VPS53: variants seen among roughly 807,000 people sequenced by gnomAD.
VPS53 encodes VPS53 subunit of GARP complex, also known as vacuolar protein sorting-associated protein 53 homolog.
In VPS53, 70 loss-of-function variants were observed where a neutral mutation model predicts 107.0. That is an observed-to-expected ratio of 0.65 (90% CI 0.54 to 0.80). The LOEUF (loss-of-function observed/expected upper bound fraction) is 0.80, where lower values mean the gene tolerates loss of function less well. Ranked by LOEUF, VPS53 falls within the 30% of genes least tolerant of loss-of-function variation. The probability of loss-of-function intolerance (pLI) is 0.00; values close to 1 mark genes in which losing one functional copy is unlikely to be tolerated. For synonymous variants in VPS53, 409 were observed against 393.3 expected, an observed-to-expected ratio of 1.04 and a Z score of -0.47; for missense variants, 917 against 1,049.4, an observed-to-expected ratio of 0.87 and a Z score of 1.74.
In VPS53 at chr17:551,992, C is replaced by T. The variant is rs2304949; in HGVS notation, c.1788-42G>A. 33,847 of 1,518,820 alleles carry T rather than the reference C, an allele frequency of 0.022. 542 individuals are homozygous for T. Among genetic ancestry groups the T allele is most frequent in the East Asian group, 0.081 (3,311 of 41,082 alleles). The allele number at this position is 1,518,820 out of a possible 1,614,324, so 94.1% of individuals were successfully genotyped here. ...TCACTGTGGTCACCCTTTCAAACAA[C>T]GGCCGTCTGAATGACTGACACTCAG... is the stretch of plus-strand genomic sequence containing the variant. On this transcript the variant is annotated intron_variant, in intron 16 of 21. Coordinates refer to ENST00000437048, the MANE Select transcript of VPS53 (RefSeq NM_001128159.3).
chr17:592,147 C>T (rs557784276), intron 12 of VPS53, among the ~76,000 whole-genome samples: 1 of 152,274 alleles, frequency 6.6e-6, no homozygotes, highest in South Asian at 2.1e-4. Flanking sequence ...TAAGTAATGG[C>T]CTTCTTTGTC....
rs975131273 is a variant in VPS53 at position 631,780 on chromosome 17, T to C, written c.609-152A>G. On this transcript the variant is annotated intron_variant, in intron 7 of 21. Coordinates refer to ENST00000437048, the MANE Select transcript of VPS53 (RefSeq NM_001128159.3). The stretch of plus-strand genomic sequence containing the variant: ...GGTGAGAGGTCACATACTAGTTAAG[T>C]GACAGGTTGATGAGCAGGACCCAGG... 4.8e-6 allele frequency: 3 copies of C among 625,000 alleles called. No individual in the cohort carries two copies. The Admixed American group carries it at 8.2e-5, about 17-fold the overall frequency. The allele number at this position is 625,000 out of a possible 1,614,324, so 38.7% of individuals were successfully genotyped here.
chr17:586,172 A>T, intron 13 of VPS53, 98 bp downstream of exon 13: 3 of 1,094,776 alleles, frequency 2.7e-6, no homozygotes, highest in Non-Finnish European at 2.8e-6. Flanking sequence ...TGCCACAACC[A>T]TCTTTCAGCC....
intron 11 of VPS53, among the ~76,000 whole-genome samples, chr17:617,803 C>T (rs1203870306): frequency 7.6e-6 from 1 of 131,594 alleles, no homozygotes; most frequent in Non-Finnish European, 1.6e-5. Flanking sequence ...AGGCGTGCGC[C>T]ACCACGCCCC....
chr17:697,197 A>G (rs1473830549), intron 4 of VPS53, among the ~76,000 whole-genome samples: 1 of 152,196 alleles, frequency 6.6e-6, no homozygotes, highest in Non-Finnish European at 1.5e-5. Flanking sequence ...CAGTGTTCTC[A>G]TCTGGCCTCG....
At position 653,378 on chromosome 17, in the gene VPS53, A is replaced by G. The variant is rs750147865; in HGVS notation, c.521T>C (p.Val174Ala). 1 of 1,614,270 alleles carries G rather than the reference A, an allele frequency of 6.2e-7. No homozygotes were observed. Among genetic ancestry groups the G allele is most frequent in the East Asian group, 2.2e-5 (1 of 44,888 alleles). ...AMTRRRQYGE[V>A]ANLLQGVMNV... The stretch of plus-strand genomic sequence containing the variant: ...CATCACACCCTGAAGGAGATTAGCA[A>G]CTTCTCCGTATTGTCTTCGCCTGGT... Residue 174 changes from valine (V) to alanine (A), a missense_variant, in exon 7 of 22, where the codon GTT (valine) becomes GCT (alanine). Physicochemically the swap from Val to Ala is moderately conservative, Grantham distance 64 (BLOSUM62 0). Coordinates refer to ENST00000437048, the MANE Select transcript of VPS53 (RefSeq NM_001128159.3).
At chr17:592,580 G>T (rs184862701) in intron 12 of VPS53, among the ~76,000 whole-genome samples, 39 of 152,260 alleles carry the variant, frequency 2.6e-4, no homozygotes, top group Non-Finnish European at 8.8e-5. Context: ...TTTTAGGGCA[G>T]GTCTGGTGGT....
intron 5 of VPS53, chr17:656,690 T>C: frequency 1.7e-6 from 1 of 580,300 alleles, no homozygotes; most frequent in Non-Finnish European, 2.9e-6. Flanking sequence ...TGGTCCATGC[T>C]GACTAAGAAA....
chr17:694,594 T>C (rs1972882807), intron 4 of VPS53, among the ~76,000 whole-genome samples: 1 of 152,244 alleles, frequency 6.6e-6, no homozygotes, highest in Non-Finnish European at 1.5e-5. Context: ...CTATTCCCAG[T>C]AGCAGCAAGT....
chr17:528,484 TATC>T (rs1387614840), intron 19 of VPS53, among the ~76,000 whole-genome samples: 1 of 152,248 alleles, frequency 6.6e-6, no homozygotes, highest in African/African-American at 2.4e-5. Flanking sequence ...ACATTTTGTT[TATC>T]ATCAGCTGAT....
chr17:599,063 A>G (rs8069258), intron 12 of VPS53, among the ~76,000 whole-genome samples: 39,266 of 65,180 alleles, frequency 0.6, 13,796 homozygotes, highest in East Asian at 0.82. Context: ...GCCTCTGCCC[A>G]GCCACCCCTA....
rs553585273 is a variant in VPS53, at chr17:518,977, G to A, written c.*151C>T. The stretch of plus-strand genomic sequence containing the variant: ...CCGATTAGGGCAGGAAGTAAGACAG[G>A]GCATGGGAGAGACTCAGTAACAACC... On this transcript the variant is annotated 3_prime_UTR_variant, in exon 22 of 22. Transcript: ENST00000437048. 2.6e-4 allele frequency: 216 copies of A among 836,504 alleles called. No individual in the cohort carries two copies. In the African/African-American group the frequency reaches 3.3e-3, roughly 13 times the overall value. 51.8% of individuals were successfully genotyped at this position (836,504 alleles called of 1,614,324 possible).
chr17:698,650 C>T lies in VPS53; in HGVS notation c.218+681G>A, dbSNP rs367566935. ...CCCAGGAGTTCGAGGCTGCAGTGAG[C>T]TGTAACTGCACCAGTACGCTCCAGC... On this transcript the variant is annotated intron_variant, in intron 3 of 21. Coordinates refer to ENST00000437048, the MANE Select transcript of VPS53 (RefSeq NM_001128159.3). Among the ~76,000 whole-genome samples, 28 of 151,360 alleles carry T rather than the reference C, an allele frequency of 1.8e-4. No homozygotes were observed. In the East Asian group the frequency reaches 4.8e-3, roughly 26 times the overall value.
Position 631,613 on chromosome 17 carries a change from C to T in VPS53, c.624G>A (p.Gln208=). The part of the protein sequence containing the change: ...RQLSERVKAA[Q]TELGQQILAD... ...CCAGGATTTGCTGTCCTAACTCAGT[C>T]TGTGCAGCCTTCACTCTGTGAGGAA... The change falls in exon 8 of 22, where the codon CAG becomes CAA. Residue 208 remains glutamine (Q), a synonymous_variant. Coordinates refer to ENST00000437048, the MANE Select transcript of VPS53 (RefSeq NM_001128159.3). The T allele has an allele frequency of 6.2e-7, 1 of 1,614,014 alleles. No homozygotes were observed. Among genetic ancestry groups the T allele is most frequent in the Non-Finnish European group, 8.5e-7 (1 of 1,179,958 alleles).
chr17:621,361 C>A (rs1415521217), intron 11 of VPS53, among the ~76,000 whole-genome samples: 1 of 152,164 alleles, frequency 6.6e-6, no homozygotes, highest in Non-Finnish European at 1.5e-5. Flanking sequence ...CACAGCCAAG[C>A]CTTTTGCTTT....
rs1034447959 is a variant in VPS53 at position 678,937 on chromosome 17, G to A, written c.286-17042C>T. On this transcript the variant is annotated intron_variant, in intron 4 of 21. Coordinates refer to ENST00000437048, the MANE Select transcript of VPS53 (RefSeq NM_001128159.3). Reference sequence around the variant, plus strand: ...GACAGGCGTGAGCCACCGCGCCCCCGCCATTAAAAATTCATTTTTAACACT... The same window carrying A: ...GACAGGCGTGAGCCACCGCGCCCCCACCATTAAAAATTCATTTTTAACACT... Among the ~76,000 whole-genome samples the A allele has an allele frequency of 4.3e-4, 64 of 147,294 alleles. No homozygotes were observed. In the East Asian group the frequency reaches 0.012, roughly 27 times the overall value.
rs1177358660 is a variant in VPS53 at position 560,321 on chromosome 17, A to C, written c.1704+105T>G. On this transcript the variant is annotated intron_variant, in intron 15 of 21. Transcript: ENST00000437048. ...GTGGCAGGCCAACTGGTCTGACCCA[A>C]GGTTGTCTGTGGCCATGTTAGGACG... 6 of 1,427,126 alleles carry C rather than the reference A, an allele frequency of 4.2e-6. No homozygotes were observed. The African/African-American group carries it at 4.3e-5, about 10-fold the overall frequency. The allele number at this position is 1,427,126 out of a possible 1,614,324, so 88.4% of individuals were successfully genotyped here.
At chr17:532,762 G>A in intron 19 of VPS53, 80 bp downstream of exon 19, 2 of 1,567,840 alleles carry the variant, frequency 1.3e-6, no homozygotes, top group South Asian at 2.3e-5. Context: ...TTCCTGCCAA[G>A]TAGATCTGGA....
Position 514,210 on chromosome 17 carries a change from C to A in VPS53, c.*4918G>T, listed in dbSNP as rs1463899031. 1 of 77,200 alleles carries A rather than the reference C, an allele frequency of 1.3e-5. No homozygotes were observed. 4.8% of individuals were successfully genotyped at this position (77,200 alleles called of 1,614,324 possible). A position where few individuals can be genotyped will look rare whatever the true frequency, so the allele number is the denominator to read the frequency against. The stretch of plus-strand genomic sequence containing the variant: ...TTTCCAGCAGGTTATTCCGAGTGCT[C>A]TTCCTAGCGAAGGAACCCCATTTCC... On this transcript the variant is annotated 3_prime_UTR_variant, in exon 22 of 22. Coordinates refer to ENST00000437048, the MANE Select transcript of VPS53 (RefSeq NM_001128159.3).
Sources: allele counts gnomAD v4.1 joint callset (sites outside exome capture counted in the v4.1 genomes callset), GRCh38; gene constraint gnomAD v4.1.1; transcripts MANE v1.5; gene names NCBI Gene and HGNC (gene_info 2026-07-23, HGNC 2026-07-21).